Variants in PSKH1 observed in about 807,000 individuals in gnomAD.
The protein encoded by PSKH1 is serine/threonine-protein kinase H1.
PSKH1 carries 12 observed loss-of-function variants against 26.7 expected under a neutral mutation model. The observed-to-expected ratio is 0.45, with a 90% CI of 0.29 to 0.73. The LOEUF is 0.73. Among genes scored for constraint, PSKH1 ranks in the 30% least tolerant of loss-of-function variants. PSKH1 has a pLI of 0.11. For missense variants in PSKH1, 431 were observed against 595.2 expected (o/e 0.72, Z 2.87); for synonymous variants, 213 against 234.3 (o/e 0.91, Z 0.83).
intron 1 of PSKH1, among the ~76,000 whole-genome samples, chr16:67,895,653 C>T (rs1217854532): frequency 6.6e-5 from 10 of 152,072 alleles, no homozygotes; most frequent in Admixed American, 2.6e-4. Flanking sequence ...GTGATCCACC[C>T]GTCTCAGCCT....
chr16:67,906,313 C>T (rs1357701440), intron 1 of PSKH1, among the ~76,000 whole-genome samples: 1 of 151,716 alleles, frequency 6.6e-6, no homozygotes, highest in Admixed American at 6.6e-5. Flanking sequence ...CTCTGGTGAT[C>T]CACCCGCCTT....
chr16:67,913,256 C>G (rs979605494), intron 2 of PSKH1, among the ~76,000 whole-genome samples: 2 of 151,998 alleles, frequency 1.3e-5, no homozygotes, highest in African/African-American at 4.8e-5. Context: ...AAGTGATTCT[C>G]CCGCCTCAGC....
chr16:67,909,623 A>T lies in PSKH1; in HGVS notation c.874A>T (p.Ser292Cys), dbSNP rs1017219009. 6.2e-7 allele frequency: 1 copy of T among 1,613,924 alleles called. No individual in the cohort carries two copies. The highest frequency in any genetic ancestry group is 1.3e-5 in the African/African-American group (1 of 74,932). Reference protein sequence around the residue: ...ALGVIAYILLSGTMPFEDDNR... With the variant: ...ALGVIAYILLCGTMPFEDDNR... ...GGGCGTCATTGCCTACATCCTACTC[A>T]GTGGCACCATGCCGTTTGAGGATGA... The change falls in exon 2 of 3, where the codon AGT (serine) becomes TGT (cysteine). Residue 292 changes from serine to cysteine, a missense_variant. Coordinates refer to ENST00000291041, the MANE Select transcript of PSKH1 (RefSeq NM_006742.3). The surrounding 1 kb of genome is among the most constrained non-coding windows in gnomAD (Gnocchi z 7.8).
intron 2 of PSKH1, among the ~76,000 whole-genome samples, chr16:67,924,729 G>T (rs1232883407): frequency 3.3e-5 from 5 of 152,222 alleles, no homozygotes; most frequent in African/African-American, 1.2e-4. Context: ...CTGAGCTGCA[G>T]CCTGCTTCCT....
At chr16:67,923,940 G>C (rs1474126926) in intron 2 of PSKH1, among the ~76,000 whole-genome samples, 1 of 152,232 alleles carries the variant, frequency 6.6e-6, no homozygotes, top group Non-Finnish European at 1.5e-5. Flanking sequence ...AGGAGGTGCT[G>C]AGTTGATGTG....
At position 67,927,730 on chromosome 16, in the gene PSKH1, GC is replaced by G; in HGVS notation, c.*90del. 1.4e-6 allele frequency: 2 copies of G among 1,388,912 alleles called. No individual in the cohort carries two copies. Among genetic ancestry groups the G allele is most frequent in the Non-Finnish European group, 1.9e-6 (2 of 1,034,922 alleles). 86.0% of individuals were successfully genotyped at this position (1,388,912 alleles called of 1,614,324 possible). On this transcript the variant is annotated 3_prime_UTR_variant, in exon 3 of 3. Coordinates refer to ENST00000291041, the MANE Select transcript of PSKH1 (RefSeq NM_006742.3). The surrounding 1 kb of genome is among the most constrained non-coding windows in gnomAD (Gnocchi z 5.5). ...GGTCCGATGCCCTCTCTGGAGATAG[GC>G]CTATGTGGCCCACAGTAGGTGAAGA...
chr16:67,915,208 A>AGTGTGT (rs10599179), intron 2 of PSKH1, among the ~76,000 whole-genome samples: 17 of 143,990 alleles, frequency 1.2e-4, no homozygotes, highest in East Asian at 6.1e-4. Flanking sequence ...AGAGAGAGAG[A>AGTGTGT]GTGTGTGTGT....
At chr16:67,923,103 C>T (rs931307352) in intron 2 of PSKH1, among the ~76,000 whole-genome samples, 1 of 152,212 alleles carries the variant, frequency 6.6e-6, no homozygotes, top group Admixed American at 6.5e-5. Flanking sequence ...AAAGCCCTTC[C>T]TGCTGTGCTG....
Position 67,909,610 on chromosome 16 carries a change from C to T in PSKH1, c.861C>T (p.Ala287=), listed in dbSNP as rs1184632620. 6.2e-7 allele frequency: 1 copy of T among 1,614,056 alleles called. No individual in the cohort carries two copies. Among genetic ancestry groups the T allele is most frequent in the Admixed American group, 1.7e-5 (1 of 60,028 alleles). Residue 287 remains alanine (A), a synonymous_variant, in exon 2 of 3, where the codon GCC becomes GCT. Transcript: ENST00000291041. The surrounding 1 kb of genome is among the most constrained non-coding windows in gnomAD (Gnocchi z 7.8). The stretch of plus-strand genomic sequence containing the variant: ...ACATGTGGGCGCTGGGCGTCATTGC[C>T]TACATCCTACTCAGTGGCACCATGC... ...SVDMWALGVI[A]YILLSGTMPF... is the part of the protein sequence containing the mutation.
At chr16:67,908,209 G>T (rs967759351) in intron 1 of PSKH1, among the ~76,000 whole-genome samples, 1 of 152,090 alleles carries the variant, frequency 6.6e-6, no homozygotes, top group African/African-American at 2.4e-5. Context: ...GTTGAGTCTG[G>T]GCTCTTGAAC....
At position 67,918,289 on chromosome 16, in the gene PSKH1, TC is replaced by T. The variant is rs557896394; in HGVS notation, c.957+8585del. ...GCTTTGCTGTCTGCTGCATTCAGCA[TC>T]CTGAATTATCACCCTCCTCTGCTTG... On this transcript the variant is annotated intron_variant, in intron 2 of 2. Transcript: ENST00000291041. 1.2e-3 allele frequency among the ~76,000 whole-genome samples: 176 copies of T among 152,220 alleles called. 1 individual carries two copies. Among genetic ancestry groups the T allele is most frequent in the Admixed American group, 1.5e-3 (23 of 15,288 alleles).
intron 1 of PSKH1, among the ~76,000 whole-genome samples, chr16:67,906,770 T>C (rs1362916625): frequency 6.6e-6 from 1 of 152,136 alleles, no homozygotes. Flanking sequence ...CTGGAAGCAG[T>C]AACTTCAGCA....
intron 2 of PSKH1, among the ~76,000 whole-genome samples, chr16:67,914,850 G>A (rs1458878192): frequency 6.6e-6 from 1 of 152,208 alleles, no homozygotes; most frequent in Non-Finnish European, 1.5e-5. Flanking sequence ...TGAGGGTCCA[G>A]CTGGCAGAGG....
At chr16:67,906,849 A>T (rs1360408653) in intron 1 of PSKH1, among the ~76,000 whole-genome samples, 1 of 152,096 alleles carries the variant, frequency 6.6e-6, no homozygotes, top group Non-Finnish European at 1.5e-5. Flanking sequence ...TCTGTCTGGG[A>T]ATCAAACTGG....
chr16:67,895,319 C>T (rs1481909469), intron 1 of PSKH1, among the ~76,000 whole-genome samples: 1 of 151,996 alleles, frequency 6.6e-6, no homozygotes, highest in African/African-American at 2.4e-5. Flanking sequence ...CCCACCTTGG[C>T]CTCCCGAAGT....
Position 67,929,630 on chromosome 16 carries a change from T to C in PSKH1, c.*1988T>C, listed in dbSNP as rs2058230934. On this transcript the variant is annotated 3_prime_UTR_variant, in exon 3 of 3. Transcript: ENST00000291041. Reference sequence around the variant, plus strand: ...TCAGTTTGTAAACGTATCCTCTGTATTCAGTAAACAGGCTGCCTCTCCAGG... The same window carrying C: ...TCAGTTTGTAAACGTATCCTCTGTACTCAGTAAACAGGCTGCCTCTCCAGG... 2.3e-6 allele frequency: 1 copy of C among 430,638 alleles called. No individual in the cohort carries two copies. The highest frequency in any genetic ancestry group is 4.3e-6 in the Non-Finnish European group (1 of 234,366). The allele number at this position is 430,638 out of a possible 1,614,324, so 26.7% of individuals were successfully genotyped here.
At chr16:67,908,624 G>A in intron 1 of PSKH1, 56 bp from the exon 2 acceptor site, 1 of 795,822 alleles carries the variant, frequency 1.3e-6, no homozygotes, top group Non-Finnish European at 1.9e-6. Flanking sequence ...GAGGAGGATG[G>A]CTGATTTCCT....
chr16:67,902,621 G>A (rs1434053680), intron 1 of PSKH1, among the ~76,000 whole-genome samples: 1 of 152,016 alleles, frequency 6.6e-6, no homozygotes, highest in Non-Finnish European at 1.5e-5. Context: ...TAAACCTTAG[G>A]TTTTTCCCTG....
chr16:67,905,936 T>TTG (rs560255492), intron 1 of PSKH1, among the ~76,000 whole-genome samples: 9 of 151,966 alleles, frequency 5.9e-5, no homozygotes, highest in Admixed American at 2.6e-4. Flanking sequence ...TTCTACTTGT[T>TTG]TGTGTGTGTG....
Sources: gnomAD v4.1 joint callset for allele counts (sites outside exome capture counted in the v4.1 genomes callset) on GRCh38, gnomAD v4.1.1 for gene constraint, Gnocchi (gnomAD v3.1) non-coding constraint, MANE v1.5 for transcripts, NCBI Gene and HGNC (gene_info 2026-07-23, HGNC 2026-07-21) for gene names.